The following SLIT3 variants were observed in gnomAD, a reference collection of about 807,000 sequenced individuals.
SLIT3 encodes slit homolog 3 protein.
SLIT3 carries 68 observed loss-of-function variants against 184.0 expected under a neutral mutation model. That is an observed-to-expected ratio of 0.37 (90% CI 0.30 to 0.45). SLIT3 has a LOEUF of 0.45. Ranked by LOEUF, SLIT3 falls within the 20% of genes least tolerant of loss-of-function variation. The probability of loss-of-function intolerance (pLI) is 1.00; values close to 1 mark genes in which losing one functional copy is unlikely to be tolerated. For synonymous variants in SLIT3, 831 were observed against 828.6 expected (o/e 1.00, Z -0.05); for missense variants, 1,707 against 2,026.0 (o/e 0.84, Z 3.02).
In SLIT3 at chr5:168,671,434, C is replaced by A. The variant is rs1234465334; in HGVS notation, c.3891G>T (p.Arg1297=). Residue 1297 remains arginine, a synonymous_variant, in exon 34 of 36, where the codon CGG becomes CGT. Coordinates refer to ENST00000519560, the MANE Select transcript of SLIT3 (RefSeq NM_003062.4). ...TGCATCCGTGGAAGCCGCCTAGAGG[C>A]CGGTCCGTGCCCTGGCGCAAGGCAG... ...GLSALRQGTD[R]PLGGFHGCIH... 6.2e-7 allele frequency: 1 copy of A among 1,613,386 alleles called. No individual in the cohort carries two copies. Among genetic ancestry groups the A allele is most frequent in the African/African-American group, 1.3e-5 (1 of 74,942 alleles).
At chr5:168,698,217 G>A (rs764561203) in intron 27 of SLIT3, among the ~76,000 whole-genome samples, 7 of 152,186 alleles carry the variant, frequency 4.6e-5, no homozygotes, top group Non-Finnish European at 1.0e-4. Context: ...GGGTTGAATT[G>A]TGTTCCCCCC....
intron 4 of SLIT3, among the ~76,000 whole-genome samples, chr5:168,927,129 G>C (rs968581834): frequency 6.6e-6 from 1 of 152,214 alleles, no homozygotes; most frequent in African/African-American, 2.4e-5. Context: ...AGTGTCCACT[G>C]ATGGATGAAT....
chr5:169,269,620 G>T (rs1460379220), intron 1 of SLIT3, among the ~76,000 whole-genome samples: 1 of 152,246 alleles, frequency 6.6e-6, no homozygotes, highest in Non-Finnish European at 1.5e-5. Context: ...GATTTGGAAA[G>T]GAAGAGAATG....
intron 4 of SLIT3, among the ~76,000 whole-genome samples, chr5:169,042,159 C>T (rs1581343429): frequency 6.6e-6 from 1 of 152,182 alleles, no homozygotes; most frequent in East Asian, 1.9e-4. Context: ...AATTCTCAGA[C>T]TCTCCAGAAT....
At chr5:168,842,335 G>A (rs370247372) in intron 6 of SLIT3, among the ~76,000 whole-genome samples, 1 of 151,944 alleles carries the variant, frequency 6.6e-6, no homozygotes, top group South Asian at 2.1e-4. Context: ...GTTTGGAATT[G>A]AGAAGATAAA....
chr5:169,294,566 C>T (rs182762494), intron 1 of SLIT3, among the ~76,000 whole-genome samples: 18 of 152,268 alleles, frequency 1.2e-4, no homozygotes, highest in African/African-American at 4.1e-4. Flanking sequence ...TTAGGATGGG[C>T]GTCTCAAACC....
At chr5:169,260,392 T>C (rs1314414565) in intron 1 of SLIT3, among the ~76,000 whole-genome samples, 1 of 152,156 alleles carries the variant, frequency 6.6e-6, no homozygotes, top group Non-Finnish European at 1.5e-5. Context: ...CTGTGCTTTT[T>C]CTCTTCCCTA....
chr5:168,722,442 T>C, intron 22 of SLIT3, 115 bp from the exon 23 acceptor site: 1 of 863,740 alleles, frequency 1.2e-6, no homozygotes, highest in Admixed American at 2.1e-5. Context: ...GTTGATATAT[T>C]GACAGAACAT....
intron 32 of SLIT3, among the ~76,000 whole-genome samples, chr5:168,679,047 C>G (rs1761500631): frequency 6.6e-6 from 1 of 152,100 alleles, no homozygotes; most frequent in Non-Finnish European, 1.5e-5. Flanking sequence ...TGGCCCATGG[C>G]CTTTTTGCCT....
intron 3 of SLIT3, among the ~76,000 whole-genome samples, chr5:169,231,168 A>C (rs1764988216): frequency 6.6e-6 from 1 of 152,146 alleles, no homozygotes; most frequent in Non-Finnish European, 1.5e-5. Flanking sequence ...GCCATGCATG[A>C]AATTTGGTTG....
intron 7 of SLIT3, among the ~76,000 whole-genome samples, chr5:168,820,629 C>T (rs1019445082): frequency 6.6e-6 from 1 of 152,186 alleles, no homozygotes; most frequent in Non-Finnish European, 1.5e-5. Context: ...TGCAGTTTCT[C>T]ATTTAGATAC....
In SLIT3 at chr5:168,908,453, A is replaced by T. The variant is rs369853228; in HGVS notation, c.414-25117T>A. ...GGAATGAATTGTGATGTCAAGACGG[A>T]TGAGCGGTGGAGAGGACGGGAGACA... On this transcript the variant is annotated intron_variant, in intron 4 of 35. Transcript: ENST00000519560. Among the ~76,000 whole-genome samples the T allele has an allele frequency of 3.9e-5, 6 of 152,162 alleles. No individual in the cohort carries two copies. The East Asian group carries it at 1.2e-3, about 29-fold the overall frequency.
At chr5:168,799,564 A>C (rs534053502) in intron 9 of SLIT3, among the ~76,000 whole-genome samples, 14 of 152,310 alleles carry the variant, frequency 9.2e-5, no homozygotes, top group Admixed American at 3.3e-4. Flanking sequence ...ATGTGACTAA[A>C]CACAATATAT....
At chr5:168,918,839 T>C (rs1045395810) in intron 4 of SLIT3, among the ~76,000 whole-genome samples, 19 of 152,202 alleles carry the variant, frequency 1.2e-4, no homozygotes, top group African/African-American at 4.6e-4. Flanking sequence ...TTCTTAAAAA[T>C]TTCTGCAGAC....
At chr5:169,250,973 T>C (rs1765754452) in intron 2 of SLIT3, among the ~76,000 whole-genome samples, 1 of 152,230 alleles carries the variant, frequency 6.6e-6, no homozygotes, top group Non-Finnish European at 1.5e-5. Context: ...TTTCTGATGC[T>C]CTCCTCCCCT....
intron 28 of SLIT3, among the ~76,000 whole-genome samples, chr5:168,693,066 T>C (rs1393585396): frequency 6.6e-6 from 1 of 152,214 alleles, no homozygotes; most frequent in Non-Finnish European, 1.5e-5. Flanking sequence ...TCCACACTTA[T>C]TTACTGAGCA....
At chr5:169,224,927 G>A (rs2879187) in intron 3 of SLIT3, among the ~76,000 whole-genome samples, 98,576 of 152,002 alleles carry the variant, frequency 0.65, 32,296 homozygotes, top group East Asian at 0.77. Flanking sequence ...CAAGTGATCC[G>A]CCCATCTTGG....
intron 4 of SLIT3, among the ~76,000 whole-genome samples, chr5:169,075,377 G>A (rs985507493): frequency 3.3e-5 from 5 of 152,184 alleles, no homozygotes; most frequent in African/African-American, 1.2e-4. Context: ...TCTGCATCAG[G>A]ACTGAGTGAG....
chr5:169,187,705 C>A (rs1262995398), intron 4 of SLIT3, among the ~76,000 whole-genome samples: 3 of 151,782 alleles, frequency 2.0e-5, no homozygotes, highest in Admixed American at 2.0e-4. Context: ...AGGCATGCAC[C>A]ACCACGCCCA....
Sources: allele counts gnomAD v4.1 joint callset (sites outside exome capture counted in the v4.1 genomes callset), GRCh38; gene constraint gnomAD v4.1.1; transcripts MANE v1.5; gene names NCBI Gene and HGNC (gene_info 2026-07-23, HGNC 2026-07-21).